The following ATE1 variants were observed in gnomAD, a reference collection of about 807,000 sequenced individuals.
ATE1 encodes the protein arginyltransferase 1.
A neutral mutation model predicts 70.5 loss-of-function variants in ATE1; 36 were observed. The observed-to-expected ratio is 0.51, with a 90% confidence interval of 0.39 to 0.67. The LOEUF is 0.67. ATE1 is among the 30% of genes least tolerant of loss of function. ATE1 has a pLI of 0.00. For missense variants in ATE1, 593 were observed against 629.5 expected (o/e 0.94, Z 0.62); for synonymous variants, 232 against 219.3 (o/e 1.06, Z -0.51).
At chr10:121,924,983 T>C (rs1476295841) in intron 1 of ATE1, among the ~76,000 whole-genome samples, 1 of 152,250 alleles carries the variant, frequency 6.6e-6, no homozygotes, top group Non-Finnish European at 1.5e-5. Flanking sequence ...TGATTTAACA[T>C]GCTGGTCTCT....
At chr10:121,747,436 C>T (rs1484570093) in intron 11 of ATE1, among the ~76,000 whole-genome samples, 1 of 152,274 alleles carries the variant, frequency 6.6e-6, no homozygotes, top group Admixed American at 6.5e-5. Flanking sequence ...GAAGCAAGGG[C>T]ATTTTCCCCC....
At chr10:121,835,668 T>C (rs535661656) in intron 10 of ATE1, among the ~76,000 whole-genome samples, 71 of 152,188 alleles carry the variant, frequency 4.7e-4, no homozygotes, top group Admixed American at 5.2e-4. Flanking sequence ...TAATACTTTC[T>C]AGGTATATGA....
chr10:121,801,553 TATAAAG>T (rs1946879495), intron 10 of ATE1, among the ~76,000 whole-genome samples: 1 of 20,050 alleles, frequency 5.0e-5, no homozygotes, highest in South Asian at 1.7e-3. Context: ...AAGAAGATAA[TATAAAG>T]AGAGAAAGAA....
chr10:121,775,401 G>A (rs568828965), intron 11 of ATE1, among the ~76,000 whole-genome samples: 1 of 152,174 alleles, frequency 6.6e-6, no homozygotes, highest in African/African-American at 2.4e-5. Context: ...GTCGATAGGT[G>A]CAGCAAACCA....
At chr10:121,771,688 G>A (rs963976152) in intron 11 of ATE1, among the ~76,000 whole-genome samples, 4 of 152,084 alleles carry the variant, frequency 2.6e-5, no homozygotes, top group African/African-American at 4.8e-5. Flanking sequence ...ACAAATTAGA[G>A]GAAATGTAAC....
At chr10:121,790,066 A>G in intron 11 of ATE1, 103 bp downstream of exon 11, 3 of 1,491,524 alleles carry the variant, frequency 2.0e-6, no homozygotes, top group Non-Finnish European at 1.8e-6. Flanking sequence ...CATACTCTAT[A>G]ATATACAAAG....
chr10:121,763,014 G>C (rs560372728), intron 11 of ATE1, among the ~76,000 whole-genome samples: 5 of 152,154 alleles, frequency 3.3e-5, no homozygotes, highest in Non-Finnish European at 7.3e-5. Flanking sequence ...TGCATATGAC[G>C]TGAGGGCAGG....
chr10:121,817,538 CAA>C (rs10625101), intron 10 of ATE1, among the ~76,000 whole-genome samples: 2 of 143,236 alleles, frequency 1.4e-5, no homozygotes, highest in African/African-American at 2.6e-5. Context: ...GACTCTGTCT[CAA>C]AAAAAAAAAA....
At chr10:121,838,344 C>T (rs144582969) in intron 9 of ATE1, among the ~76,000 whole-genome samples, 182 of 143,122 alleles carry the variant, frequency 1.3e-3, no homozygotes, top group African/African-American at 4.4e-3. Context: ...CACCAGCTCA[C>T]TCCACCTGCC....
rs368409500 is a variant in ATE1 at position 121,922,759 on chromosome 10, G to A, written c.171-348C>T. Among the ~76,000 whole-genome samples the A allele has an allele frequency of 2.9e-4, 44 of 152,242 alleles. No individual in the cohort carries two copies. In the East Asian group the frequency reaches 7.8e-3, roughly 27 times the overall value. ...ACGATGCTGTGGGACTCATGTATGT[G>A]ATGCCTGTGACAACCACACTTGGGT... is the stretch of plus-strand genomic sequence containing the variant. On this transcript the variant is annotated intron_variant, in intron 2 of 11. Coordinates refer to ENST00000224652, the MANE Select transcript of ATE1 (RefSeq NM_001001976.3).
chr10:121,913,973 A>G (rs1305313594), intron 3 of ATE1, 80 bp from the exon 4 acceptor site: 4 of 1,046,154 alleles, frequency 3.8e-6, no homozygotes. Flanking sequence ...CACCTAGTAC[A>G]ATGAGACCAT....
At position 121,902,332 on chromosome 10, in the gene ATE1, G is replaced by T; in HGVS notation, c.813+59C>A. On this transcript the variant is annotated intron_variant, in intron 6 of 11. Coordinates refer to ENST00000224652, the MANE Select transcript of ATE1 (RefSeq NM_001001976.3). ...ATTAGAACTTCAAATAAAAATAAAC[G>T]ATATGCCCAAACAAAAAAAAATCAT... is the stretch of plus-strand genomic sequence containing the variant. 3 of 1,433,576 alleles carry T rather than the reference G, an allele frequency of 2.1e-6. No individual in the cohort carries two copies. The South Asian group carries it at 3.8e-5, about 18-fold the overall frequency. The allele number at this position is 1,433,576 out of a possible 1,614,324, so 88.8% of individuals were successfully genotyped here.
chr10:121,856,813 G>A (rs899193929), intron 8 of ATE1, among the ~76,000 whole-genome samples: 5 of 152,106 alleles, frequency 3.3e-5, no homozygotes, highest in African/African-American at 9.7e-5. Flanking sequence ...TGTAAAAAAC[G>A]GTGTATCTGA....
intron 8 of ATE1, 22 bp downstream of exon 8, chr10:121,869,984 A>G: frequency 6.3e-7 from 1 of 1,584,854 alleles, no homozygotes; most frequent in South Asian, 1.1e-5. Flanking sequence ...TTCTAATATT[A>G]AGGTCAGTGA....
chr10:121,791,075 TGTGTGTG>T, intron 10 of ATE1, among the ~76,000 whole-genome samples: 2 of 55,778 alleles, frequency 3.6e-5, no homozygotes, highest in Non-Finnish European at 8.1e-5. Flanking sequence ...TGTGTGTGTG[TGTGTGTG>T]TGTGTGTATA....
chr10:121,799,861 T>C (rs565696197), intron 10 of ATE1, among the ~76,000 whole-genome samples: 127 of 152,298 alleles, frequency 8.3e-4, no homozygotes, highest in African/African-American at 2.8e-3. Context: ...CAATTGAATA[T>C]ACAATTCATC....
chr10:121,834,438 A>G (rs892883095), intron 10 of ATE1, among the ~76,000 whole-genome samples: 17 of 152,204 alleles, frequency 1.1e-4, no homozygotes, highest in Admixed American at 9.8e-4. Flanking sequence ...AATGGAATTA[A>G]ACAAAAAATA....
intron 7 of ATE1, among the ~76,000 whole-genome samples, chr10:121,886,401 C>T (rs1280008349): frequency 6.6e-6 from 1 of 151,924 alleles, no homozygotes; most frequent in East Asian, 1.9e-4. Flanking sequence ...TTTCCTCCCA[C>T]ATCTCACACG....
intron 8 of ATE1, among the ~76,000 whole-genome samples, chr10:121,856,730 G>A (rs1371089630): frequency 2.0e-5 from 3 of 152,162 alleles, no homozygotes; most frequent in Non-Finnish European, 4.4e-5. Flanking sequence ...AAATATTTCA[G>A]TGCCAAAAAA....
Sources: allele counts gnomAD v4.1 joint callset (sites outside exome capture counted in the v4.1 genomes callset), GRCh38; gene constraint gnomAD v4.1.1; transcripts MANE v1.5; gene names NCBI Gene and HGNC (gene_info 2026-07-23, HGNC 2026-07-21).